The following PSG7 variants were observed in gnomAD, a reference collection of about 807,000 sequenced individuals.
The protein encoded by PSG7 is pregnancy specific beta-1-glycoprotein 7.
In PSG7, 57 loss-of-function variants were observed where a neutral mutation model predicts 45.6. The observed-to-expected ratio is 1.25, with a 90% CI of 1.01 to 1.56. The LOEUF is 1.56. PSG7 is among the 40% of genes most tolerant of loss of function. The pLI is 0.00. For synonymous variants in PSG7, 298 were observed against 194.4 expected, an observed-to-expected ratio of 1.53 and a Z score of -4.43; for missense variants, 796 against 508.4, an observed-to-expected ratio of 1.57 and a Z score of -5.44.
chr19:42,933,557 C>A (rs1260030440), intron 2 of PSG7, among the ~76,000 whole-genome samples: 2 of 149,766 alleles, frequency 1.3e-5, no homozygotes, highest in Non-Finnish European at 3.0e-5. Flanking sequence ...TTTCCTATTT[C>A]CTGGGAGGTG....
intron 2 of PSG7, among the ~76,000 whole-genome samples, chr19:42,932,460 G>A (rs1364399784): frequency 3.3e-5 from 5 of 151,564 alleles, no homozygotes; most frequent in African/African-American, 1.2e-4. Context: ...AAGAATGTGA[G>A]CTCCATAGCA....
At chr19:42,925,130 G>A (rs1408474727) in intron 5 of PSG7, 1 of 431,986 alleles carries the variant, frequency 2.3e-6, no homozygotes, top group Non-Finnish European at 4.1e-6. Context: ...AGAATAGGAA[G>A]CCAAACCAAG....
At chr19:42,933,178 G>A (rs977179592) in intron 2 of PSG7, among the ~76,000 whole-genome samples, 2 of 142,770 alleles carry the variant, frequency 1.4e-5, no homozygotes, top group Non-Finnish European at 3.0e-5. Flanking sequence ...CCACTGGGGA[G>A]GCTGATTTGA....
rs555622663 is a variant in PSG7 at position 42,926,080 on chromosome 19, C to T, written c.989-53G>A. 36 of 1,593,256 alleles carry T rather than the reference C, an allele frequency of 2.3e-5. 1 individual carries two copies. The highest frequency in any genetic ancestry group is 6.7e-5 in the African/African-American group (5 of 74,236). ...TGATGTTATCCGAGGGAAGGGGATG[C>T]TCCTGGTCTCTTAAAGGGACAGAGT... is the stretch of plus-strand genomic sequence containing the variant. On this transcript the variant is annotated intron_variant, in intron 4 of 5. Coordinates refer to ENST00000406070, the MANE Select transcript of PSG7 (RefSeq NM_002783.3).
intron 2 of PSG7, among the ~76,000 whole-genome samples, chr19:42,934,081 T>G (rs1330113058): frequency 6.6e-6 from 1 of 151,464 alleles, no homozygotes; most frequent in Non-Finnish European, 1.5e-5. Context: ...CCTGTGCTGG[T>G]GCAGGGTGTG....
Position 42,937,123 on chromosome 19 carries a change from T to C in PSG7, c.-47A>G, listed in dbSNP as rs375316497. On this transcript the variant is annotated 5_prime_UTR_variant, in exon 1 of 6. Transcript: ENST00000406070. Reference sequence around the variant, plus strand: ...CTCCTCTGTGGAGATGAGCCTAGGATCCAGAATCTTCCTGAGCACGGCTGT... The same window carrying C: ...CTCCTCTGTGGAGATGAGCCTAGGACCCAGAATCTTCCTGAGCACGGCTGT... The C allele has an allele frequency of 6.3e-7, 1 of 1,594,304 alleles. No homozygotes were observed. The highest frequency in any genetic ancestry group is 1.4e-5 in the African/African-American group (1 of 74,024).
chr19:42,927,904 A>T (rs1012831875), intron 3 of PSG7, among the ~76,000 whole-genome samples: 1 of 151,642 alleles, frequency 6.6e-6, no homozygotes, highest in East Asian at 1.9e-4. Context: ...TAGGACAAAA[A>T]GTGTTTTGCA....
In PSG7 at chr19:42,924,164, G is replaced by A. The variant is rs1972475559; in HGVS notation, c.*644C>T. Reference sequence around the variant, plus strand: ...ATGTAGTACATGTTTTATTCTGCTAGAATCAGTCTTACTGTCACGTTTTAC... The same window carrying A: ...ATGTAGTACATGTTTTATTCTGCTAAAATCAGTCTTACTGTCACGTTTTAC... On this transcript the variant is annotated 3_prime_UTR_variant, in exon 6 of 6. Coordinates refer to ENST00000406070, the MANE Select transcript of PSG7 (RefSeq NM_002783.3). 1 of 167,010 alleles carries A rather than the reference G, an allele frequency of 6.0e-6. No homozygotes were observed. Among genetic ancestry groups the A allele is most frequent in the African/African-American group, 2.4e-5 (1 of 41,758 alleles). 10.3% of individuals were successfully genotyped at this position (167,010 alleles called of 1,614,324 possible). A position where few individuals can be genotyped will look rare whatever the true frequency, so the allele number is the denominator to read the frequency against.
In PSG7 at chr19:42,935,450, A is replaced by G. The variant is rs782034108; in HGVS notation, c.384T>C (p.Gly128=). The G allele has an allele frequency of 1.2e-5, 19 of 1,611,842 alleles. No homozygotes were observed. The highest frequency in any genetic ancestry group is 1.1e-4 in the South Asian group (10 of 90,788). Residue 128 remains glycine (G), a synonymous_variant, in exon 2 of 6, where the codon GGT becomes GGC. Transcript: ENST00000406070. ...GTCCAGTTACTCCTCCAGTCCCATC[A>G]CCTCGCTTTATGATGTGTAAAGTGT... ...GSYTLHIIKR[G]DGTGGVTGRF...
Position 42,924,889 on chromosome 19 carries a change from C to T in PSG7, c.1244-65G>A, listed in dbSNP as rs1472427950. On this transcript the variant is annotated intron_variant, in intron 5 of 5. Coordinates refer to ENST00000406070, the MANE Select transcript of PSG7 (RefSeq NM_002783.3). ...CTGCAATCTCATAACAGGTGTACTA[C>T]GGTTTTATTTTCCACATAATTTTTC... 3.4e-5 allele frequency: 26 copies of T among 762,946 alleles called. 1 individual carries two copies. Among genetic ancestry groups the T allele is most frequent in the Admixed American group, 1.4e-4 (8 of 58,720 alleles). The allele number at this position is 762,946 out of a possible 1,614,324, so 47.3% of individuals were successfully genotyped here. A position where few individuals can be genotyped will look rare whatever the true frequency, so the allele number is the denominator to read the frequency against.
intron 2 of PSG7, among the ~76,000 whole-genome samples, chr19:42,930,472 C>T (rs1972996333): frequency 6.6e-6 from 1 of 151,616 alleles, no homozygotes; most frequent in Non-Finnish European, 1.5e-5. Context: ...CTCCCTTTCC[C>T]CTGTAGAGGG....
Position 42,935,585 on chromosome 19 carries a change from T to C in PSG7, c.249A>G (p.Ile83Met), listed in dbSNP as rs781919486. The C allele has an allele frequency of 7.1e-5, 114 of 1,612,040 alleles. 3 individuals are homozygous for C. The highest frequency in any genetic ancestry group is 6.2e-4 in the Admixed American group (37 of 59,812). The change falls in exon 2 of 6, where the codon ATA becomes ATG. Residue 83 changes from isoleucine (I) to methionine (M), a missense_variant. Physicochemically the swap from Ile to Met is conservative, Grantham distance 10. Coordinates refer to ENST00000406070, the MANE Select transcript of PSG7 (RefSeq NM_002783.3). ...RDLYHYVTSY[I>M]VDGQIIKYGP... ...CATATTTAATTATTTGACCGTCTAC[T>C]ATATATGATGTAACATAATGGTAGA... is the stretch of plus-strand genomic sequence containing the variant.
Position 42,932,932 on chromosome 19 carries a change from C to T in PSG7, c.430+2472G>A, listed in dbSNP as rs1035854365. Among the ~76,000 whole-genome samples, 31 of 150,882 alleles carry T rather than the reference C, an allele frequency of 2.1e-4. 2 individuals carry two copies. Among genetic ancestry groups the T allele is most frequent in the Non-Finnish European group, 4.4e-4 (30 of 67,756 alleles). ...TATAGATAACATCACTATTGTAGAA[C>T]GTGAGATTGGTCTTTTGAGATGTTT... On this transcript the variant is annotated intron_variant, in intron 2 of 5. Transcript: ENST00000406070.
At position 42,935,791 on chromosome 19, in the gene PSG7, A is replaced by C. The variant is rs782691190; in HGVS notation, c.65-22T>G. 17 of 1,598,138 alleles carry C rather than the reference A, an allele frequency of 1.1e-5. No individual in the cohort carries two copies. The African/African-American group carries it at 2.3e-4, about 22-fold the overall frequency. On this transcript the variant is annotated intron_variant, in intron 1 of 5. Transcript: ENST00000406070. ...GATGCTAGGAGGTGGAGAGAGCATC[A>C]GTCAATATTGAGACCTATGTGTTGG...
chr19:42,936,784 A>T (rs904378423), intron 1 of PSG7, among the ~76,000 whole-genome samples: 18 of 151,308 alleles, frequency 1.2e-4, no homozygotes, highest in Admixed American at 9.9e-4. Flanking sequence ...AGTAGCTAGG[A>T]TTACAGGAGC....
chr19:42,932,622 G>C (rs1056196706), intron 2 of PSG7, among the ~76,000 whole-genome samples: 1 of 151,538 alleles, frequency 6.6e-6, no homozygotes, highest in African/African-American at 2.4e-5. Context: ...CTGGCATCTA[G>C]TCTCAGGCTG....
chr19:42,931,293 G>A (rs1973013654), intron 2 of PSG7, among the ~76,000 whole-genome samples: 1 of 151,526 alleles, frequency 6.6e-6, no homozygotes, highest in South Asian at 2.1e-4. Flanking sequence ...GTTTAGGTGT[G>A]CCGTGAATTC....
chr19:42,926,329 A>G lies in PSG7; in HGVS notation c.988+109T>C, dbSNP rs1438457492. 3.9e-6 allele frequency: 6 copies of G among 1,550,626 alleles called. 1 individual carries two copies. The highest frequency in any genetic ancestry group is 2.8e-5 in the African/African-American group (2 of 72,692). On this transcript the variant is annotated intron_variant, in intron 4 of 5. Coordinates refer to ENST00000406070, the MANE Select transcript of PSG7 (RefSeq NM_002783.3). The stretch of plus-strand genomic sequence containing the variant: ...CCAGCTCGGATGTCCAGAAGTAAAT[A>G]TGTCTATACTTGGACCGGAGAGAGA...
At position 42,929,487 on chromosome 19, in the gene PSG7, G is replaced by C. The variant is rs531432163; in HGVS notation, c.664C>G (p.Pro222Ala). 1 of 1,612,582 alleles carries C rather than the reference G, an allele frequency of 6.2e-7. No individual in the cohort carries two copies. The highest frequency in any genetic ancestry group is 8.5e-7 in the Non-Finnish European group (1 of 1,179,232). The change falls in exon 3 of 6, where the codon CCA becomes GCA. Residue 222 changes from proline to alanine, a missense_variant. By Grantham distance (27) the Pro-to-Ala change is conservative. Coordinates refer to ENST00000406070, the MANE Select transcript of PSG7 (RefSeq NM_002783.3). The part of the protein sequence containing the change: ...AGPYECEIRN[P>A]VSASRSDPVT... ...GGGTCACTGCGGCTGGCACTCACTG[G>C]GTTCCGTATTTCACATTCATAGGGT... is the stretch of plus-strand genomic sequence containing the variant.
Sources: gnomAD v4.1 joint callset for allele counts (sites outside exome capture counted in the v4.1 genomes callset) on GRCh38, gnomAD v4.1.1 for gene constraint, MANE v1.5 for transcripts, NCBI Gene and HGNC (gene_info 2026-07-23, HGNC 2026-07-21) for gene names.